Variants in MSN observed in about 807,000 individuals in gnomAD.
MSN encodes epididymis luminal protein 70.
Under a neutral mutation model 48.0 loss-of-function variants are expected in MSN, and 2 were observed. That is an observed-to-expected ratio of 0.04 (90% CI 0.02 to 0.13). MSN has a LOEUF of 0.13. MSN is among the 10% of genes least tolerant of loss of function. MSN has a pLI of 1.00. For missense variants in MSN, 267 were observed against 470.1 expected (o/e 0.57, Z 3.99); for synonymous variants, 146 against 166.9 (o/e 0.87, Z 0.97).
chrX:65,721,676 G>GA (rs1475142318), intron 2 of MSN, among the ~76,000 whole-genome samples: 1 of 111,967 alleles, frequency 8.9e-6, no homozygotes, highest in African/African-American at 3.2e-5. Flanking sequence ...ATATAGCTAG[G>GA]AAGTGGTATA....
intron 1 of MSN, among the ~76,000 whole-genome samples, chrX:65,604,460 T>TA (rs2070262231): frequency 8.9e-6 from 1 of 111,881 alleles, no homozygotes; most frequent in African/African-American, 3.3e-5. Context: ...TGTGCGGTGT[T>TA]AATAGAGGTT....
At chrX:65,739,379 ATC>A (rs2071712974) in intron 12 of MSN, among the ~76,000 whole-genome samples, 185 bp downstream of exon 12, 2 of 111,636 alleles carry the variant, frequency 1.8e-5, no homozygotes, top group African/African-American at 6.5e-5. Context: ...ACCTTGGGCT[ATC>A]TCTTCCCTTT....
In MSN at chrX:65,616,930, T is replaced by C. The variant is rs183659508; in HGVS notation, c.-22+28318T>C. Among the ~76,000 whole-genome samples the C allele has an allele frequency of 5.2e-3, 581 of 111,100 alleles. 2 individuals are homozygous for C. Among genetic ancestry groups the C allele is most frequent in the Middle Eastern group, 0.018 (4 of 217 alleles). On this transcript the variant is annotated intron_variant, in intron 1 of 3. Coordinates refer to the MSN transcript ENST00000609672. ...TTTTAGCATGAAGAGTTGTTGAATTTTGTCAAAGGCCTTTTCCGCATCTAT... is the reference window on the plus strand; with the variant it reads ...TTTTAGCATGAAGAGTTGTTGAATTCTGTCAAAGGCCTTTTCCGCATCTAT...
intron 1 of MSN, among the ~76,000 whole-genome samples, chrX:65,707,576 G>T (rs2071374407): frequency 8.9e-6 from 1 of 112,105 alleles, no homozygotes; most frequent in Non-Finnish European, 1.9e-5. Flanking sequence ...CCCCATCCGG[G>T]TCAGCTCCTG....
intron 1 of MSN, among the ~76,000 whole-genome samples, chrX:65,706,973 C>T (rs961002943): frequency 8.9e-6 from 1 of 111,733 alleles, no homozygotes; most frequent in Non-Finnish European, 1.9e-5. Flanking sequence ...AAACTTCTCT[C>T]CAGGAAAGAG....
At chrX:65,705,485 A>G (rs2071352884) in intron 1 of MSN, among the ~76,000 whole-genome samples, 1 of 111,835 alleles carries the variant, frequency 8.9e-6, no homozygotes, top group Non-Finnish European at 1.9e-5. Flanking sequence ...CACTAAGCAG[A>G]TGGTTTTCTT....
intron 1 of MSN, among the ~76,000 whole-genome samples, chrX:65,646,254 A>T (rs1432947172): frequency 9.1e-6 from 1 of 110,442 alleles, no homozygotes; most frequent in Non-Finnish European, 1.9e-5. Context: ...CTCCTCTTTC[A>T]TTTCTCCCCT....
chrX:65,722,431 G>C (rs2071527422), intron 2 of MSN, among the ~76,000 whole-genome samples: 1 of 109,918 alleles, frequency 9.1e-6, no homozygotes, highest in Non-Finnish European at 1.9e-5. Context: ...GTGTGTGTGT[G>C]TGTGTGTGTG....
intron 7 of MSN, 37 bp downstream of exon 7, chrX:65,733,317 G>A (rs2071642035): frequency 2.9e-6 from 3 of 1,034,570 alleles, no homozygotes; most frequent in East Asian, 6.1e-5. Context: ...ACAGGTACTT[G>A]CCAAGGCCTG....
At chrX:65,621,996 A>G (rs1387845192) in intron 1 of MSN, among the ~76,000 whole-genome samples, 1 of 111,772 alleles carries the variant, frequency 8.9e-6, no homozygotes, top group East Asian at 2.8e-4. Context: ...GAATTTGATT[A>G]TTAGCTCTAA....
chrX:65,654,588 G>A (rs2070768250), intron 1 of MSN, among the ~76,000 whole-genome samples: 1 of 111,124 alleles, frequency 9.0e-6, no homozygotes, highest in Admixed American at 9.7e-5. Context: ...AAAACCAGGT[G>A]TTCTGTTTCC....
chrX:65,595,532 A>C (rs2070180069), intron 1 of MSN, among the ~76,000 whole-genome samples: 1 of 112,115 alleles, frequency 8.9e-6, no homozygotes, highest in Admixed American at 9.5e-5. Context: ...TGAAGCACTC[A>C]GTGATCTCTT....
intron 1 of MSN, among the ~76,000 whole-genome samples, chrX:65,592,750 C>A (rs2148348074): frequency 9.0e-6 from 1 of 110,706 alleles, no homozygotes; most frequent in Admixed American, 9.6e-5. Flanking sequence ...ATTAAAAACA[C>A]AATTTTGAGG....
intron 1 of MSN, among the ~76,000 whole-genome samples, chrX:65,599,638 A>G (rs539655502): frequency 8.9e-6 from 1 of 112,469 alleles, no homozygotes; most frequent in Non-Finnish European, 1.9e-5. Flanking sequence ...ATCTTAAAAA[A>G]TAATATTCAA....
chrX:65,669,173 C>A (rs755016588), intron 1 of MSN, among the ~76,000 whole-genome samples: 31 of 111,565 alleles, frequency 2.8e-4, no homozygotes, highest in African/African-American at 9.4e-4. Context: ...GGACATGAGG[C>A]TTTTACACAC....
chrX:65,607,586 T>G (rs2070288386), intron 1 of MSN, among the ~76,000 whole-genome samples: 1 of 111,472 alleles, frequency 9.0e-6, no homozygotes, highest in Admixed American at 9.6e-5. Flanking sequence ...CACTGAGAGT[T>G]AACTTCAGGA....
Position 65,731,974 on chromosome X carries a change from C to A in MSN, c.688C>A (p.Gln230Lys). ...TGCCCTGGGTCTCAACATCTATGAG[C>A]AGAATGACAGGTATATCTCAGATCT... ...VDALGLNIYE[Q>K]NDRLTPKIGF... Residue 230 changes from glutamine to lysine, a missense_variant, in exon 6 of 13, where the codon CAG becomes AAG. Physicochemically the swap from Gln to Lys is moderately conservative, Grantham distance 53. Around this residue, in one of 5 missense-constraint regions of MSN, gnomAD observed 58 missense variants for 104.6 expected, o/e 0.55. Coordinates refer to ENST00000360270, the MANE Select transcript of MSN (RefSeq NM_002444.3). The A allele has an allele frequency of 1.7e-6, 2 of 1,208,399 alleles. No homozygotes were observed. The highest frequency in any genetic ancestry group is 3.5e-5 in the South Asian group (2 of 56,368).
At chrX:65,657,522 A>G (rs1286729856) in intron 1 of MSN, among the ~76,000 whole-genome samples, 1 of 111,592 alleles carries the variant, frequency 9.0e-6, no homozygotes, top group Non-Finnish European at 1.9e-5. Flanking sequence ...CCAAGAGGAT[A>G]GTGACTTAAA....
intron 1 of MSN, among the ~76,000 whole-genome samples, chrX:65,695,170 C>G (rs1265087970): frequency 1.8e-5 from 2 of 109,176 alleles, no homozygotes; most frequent in East Asian, 2.9e-4. Flanking sequence ...CTTTCCAGGT[C>G]TATCTGTAGG....
Sources: allele counts gnomAD v4.1 joint callset (sites outside exome capture counted in the v4.1 genomes callset), GRCh38; gene constraint gnomAD v4.1.1; regional missense constraint gnomAD v4.1.1; transcripts MANE v1.5; gene names NCBI Gene and HGNC (gene_info 2026-07-23, HGNC 2026-07-21).